GRID1: variants seen among roughly 807,000 people sequenced by gnomAD.
The protein encoded by GRID1 is glutamate ionotropic receptor delta type subunit 1.
Under a neutral mutation model 98.0 loss-of-function variants are expected in GRID1, and 28 were observed. The observed-to-expected ratio is 0.29, with a 90% CI of 0.21 to 0.39. The LOEUF is 0.39. Ranked by LOEUF, GRID1 falls within the 10% of genes least tolerant of loss-of-function variation. GRID1 has a pLI of 1.00. For synonymous variants in GRID1, 553 were observed against 538.5 expected, an observed-to-expected ratio of 1.03 and a Z score of -0.37; for missense variants, 1,111 against 1,340.5, an observed-to-expected ratio of 0.83 and a Z score of 2.67.
chr10:86,058,567 G>T (rs1589355560), intron 4 of GRID1, among the ~76,000 whole-genome samples: 1 of 152,174 alleles, frequency 6.6e-6, no homozygotes, highest in East Asian at 1.9e-4. Context: ...CGAAGTTCTG[G>T]GCATCCATGT....
intron 4 of GRID1, among the ~76,000 whole-genome samples, chr10:85,970,298 A>G (rs1589318472): frequency 6.6e-6 from 1 of 152,208 alleles, no homozygotes; most frequent in Non-Finnish European, 1.5e-5. Context: ...ATAGGAGGGA[A>G]CACTTCCAAA....
At chr10:85,975,603 G>A (rs185498313) in intron 4 of GRID1, among the ~76,000 whole-genome samples, 50 of 152,260 alleles carry the variant, frequency 3.3e-4, no homozygotes, top group African/African-American at 1.0e-3. Flanking sequence ...GCCTCCCTGC[G>A]GAAAATGAGC....
chr10:85,696,226 A>T (rs1039777072), intron 12 of GRID1, among the ~76,000 whole-genome samples: 4 of 152,192 alleles, frequency 2.6e-5, no homozygotes, highest in African/African-American at 7.2e-5. Flanking sequence ...AGTGCATGTT[A>T]AACAAAAGTA....
intron 8 of GRID1, among the ~76,000 whole-genome samples, chr10:85,769,901 C>G (rs1842239696): frequency 6.6e-6 from 1 of 152,212 alleles, no homozygotes; most frequent in Non-Finnish European, 1.5e-5. Flanking sequence ...GGGCAGGGCA[C>G]AGACAAACAA....
chr10:85,790,011 C>T (rs912355069), intron 8 of GRID1, among the ~76,000 whole-genome samples: 6 of 152,170 alleles, frequency 3.9e-5, no homozygotes, highest in Non-Finnish European at 8.8e-5. Flanking sequence ...CTTTTCCTGA[C>T]TCTGCCTCTG....
chr10:86,345,742 A>G (rs567908686), intron 2 of GRID1, among the ~76,000 whole-genome samples: 2 of 152,146 alleles, frequency 1.3e-5, no homozygotes, highest in South Asian at 2.1e-4. Flanking sequence ...AGTGGCCCAC[A>G]TCCTAGATCC....
rs1284151203 is a variant in GRID1, at chr10:85,848,014, GA to G, written c.1233+6481del. Among the ~76,000 whole-genome samples the G allele has an allele frequency of 2.0e-5, 3 of 152,230 alleles. No individual in the cohort carries two copies. In the East Asian group the frequency reaches 5.8e-4, roughly 29 times the overall value. On this transcript the variant is annotated intron_variant, in intron 8 of 15. Transcript: ENST00000327946. Reference sequence around the variant, plus strand: ...CCTGAGGTATAATTTACAAAAATGTGAAATACAAATGACCAATAATTATACT... The same window carrying G: ...CCTGAGGTATAATTTACAAAAATGTGAATACAAATGACCAATAATTATACT...
At chr10:85,867,763 A>G (rs1843236132) in intron 6 of GRID1, among the ~76,000 whole-genome samples, 1 of 152,008 alleles carries the variant, frequency 6.6e-6, no homozygotes, top group Non-Finnish European at 1.5e-5. Flanking sequence ...GACCCCAGAC[A>G]CTCTGGTGGG....
intron 4 of GRID1, among the ~76,000 whole-genome samples, chr10:86,100,860 G>A (rs1844286218): frequency 6.6e-6 from 1 of 152,192 alleles, no homozygotes; most frequent in Non-Finnish European, 1.5e-5. Flanking sequence ...CTGGCAAACA[G>A]ACCCACAGCT....
intron 8 of GRID1, among the ~76,000 whole-genome samples, chr10:85,799,056 C>G (rs1842552000): frequency 6.6e-6 from 1 of 152,038 alleles, no homozygotes; most frequent in Non-Finnish European, 1.5e-5. Context: ...TTTCATTCTT[C>G]TGCATGTAGA....
intron 2 of GRID1, among the ~76,000 whole-genome samples, chr10:86,321,830 C>T (rs1457726859): frequency 1.3e-5 from 2 of 152,154 alleles, no homozygotes; most frequent in African/African-American, 4.8e-5. Flanking sequence ...GCTGGCACAA[C>T]AGTGCAGAGC....
At chr10:86,221,497 G>T (rs1702552745) in intron 2 of GRID1, among the ~76,000 whole-genome samples, 1 of 152,166 alleles carries the variant, frequency 6.6e-6, no homozygotes, top group African/African-American at 2.4e-5. Context: ...GCCTTTGTGG[G>T]CTGTGGGCTG....
chr10:86,016,210 G>A (rs1002012925), intron 4 of GRID1, among the ~76,000 whole-genome samples: 3 of 123,798 alleles, frequency 2.4e-5, no homozygotes, highest in African/African-American at 8.0e-5. Context: ...GCAGTGGCGC[G>A]ATCTCAGTTC....
rs1554857354 is a variant in GRID1 at position 85,599,919 on chromosome 10, T to TCTCTCTCACACACACACA, written c.*2353_*2354insTGTGTGTGTGTGAGAGAG. ...GTCTCTCTCTCTCTCTCTCTCTCTC[T>TCTCTCTCACACACACACA]CACACACACACACACACACAAACAC... is the stretch of plus-strand genomic sequence containing the variant. On this transcript the variant is annotated 3_prime_UTR_variant, in exon 16 of 16. Transcript: ENST00000327946. 2 of 131,480 alleles carry TCTCTCTCACACACACACA rather than the reference T, an allele frequency of 1.5e-5. No individual in the cohort carries two copies. Among genetic ancestry groups the TCTCTCTCACACACACACA allele is most frequent in the African/African-American group, 6.3e-5 (2 of 31,894 alleles). The allele number at this position is 131,480 out of a possible 1,614,324, so 8.1% of individuals were successfully genotyped here.
intron 12 of GRID1, among the ~76,000 whole-genome samples, chr10:85,684,079 G>A (rs1564558699): frequency 6.6e-6 from 1 of 152,176 alleles, no homozygotes; most frequent in Non-Finnish European, 1.5e-5. Flanking sequence ...TTTAATATGG[G>A]AGCCTCACAA....
chr10:86,281,728 T>A (rs546516098), intron 2 of GRID1, among the ~76,000 whole-genome samples: 4 of 151,202 alleles, frequency 2.6e-5, no homozygotes, highest in African/African-American at 9.7e-5. Context: ...GCTGGGGAGG[T>A]TTTTTAAAAT....
intron 3 of GRID1, among the ~76,000 whole-genome samples, chr10:86,140,209 T>A (rs892110462): frequency 6.6e-6 from 1 of 152,118 alleles, no homozygotes; most frequent in Non-Finnish European, 1.5e-5. Flanking sequence ...CCACCTCCCA[T>A]AAGCAAGAGC....
chr10:85,871,387 G>T (rs1002895242), intron 5 of GRID1, among the ~76,000 whole-genome samples: 5 of 152,144 alleles, frequency 3.3e-5, no homozygotes, highest in Admixed American at 2.6e-4. Context: ...TCAAAAAATT[G>T]TAAGTCAAAC....
chr10:86,298,653 C>A (rs894595615), intron 2 of GRID1, among the ~76,000 whole-genome samples: 4 of 152,176 alleles, frequency 2.6e-5, no homozygotes, highest in Non-Finnish European at 5.9e-5. Context: ...CATCCTGGAG[C>A]TAAACATGCC....
Sources: gnomAD v4.1 joint callset for allele counts (sites outside exome capture counted in the v4.1 genomes callset) on GRCh38, gnomAD v4.1.1 for gene constraint, MANE v1.5 for transcripts, NCBI Gene and HGNC (gene_info 2026-07-23, HGNC 2026-07-21) for gene names.